The following ST8SIA2 variants were observed in gnomAD, a reference collection of about 807,000 sequenced individuals.
ST8SIA2 encodes ST8 alpha-N-acetyl-neuraminide alpha-2,8-sialyltransferase 2.
ST8SIA2 carries 22 observed loss-of-function variants against 37.6 expected under a neutral mutation model. That is an observed-to-expected ratio of 0.58 (90% CI 0.42 to 0.83). ST8SIA2 has a LOEUF of 0.83. Among genes scored for constraint, ST8SIA2 ranks in the 40% least tolerant of loss-of-function variants. The pLI is 0.00. For missense variants in ST8SIA2, 382 were observed against 484.7 expected (o/e 0.79, Z 1.99); for synonymous variants, 205 against 201.2 (o/e 1.02, Z -0.16).
At chr15:92,395,247 T>A (rs1005020664) in intron 1 of ST8SIA2, among the ~76,000 whole-genome samples, 1 of 152,288 alleles carries the variant, frequency 6.6e-6, no homozygotes, top group African/African-American at 2.4e-5. Flanking sequence ...TTCTGTGGGA[T>A]TTGTGCTCTG....
At position 92,430,112 on chromosome 15, in the gene ST8SIA2, G is replaced by C. The variant is rs200199637; in HGVS notation, c.161+1G>C. On this transcript the variant is annotated splice_donor_variant, in intron 2 of 5. Transcript: ENST00000268164. LOFTEE classifies it high-confidence loss of function. ...ACAGCTTACATAGCAAATCTAATAG[G>C]TTTGTAAATTAGATTTTGTGTTCAT... 4 of 1,613,418 alleles carry C rather than the reference G, an allele frequency of 2.5e-6. No homozygotes were observed. The highest frequency in any genetic ancestry group is 3.4e-6 in the Non-Finnish European group (4 of 1,179,602).
intron 4 of ST8SIA2, among the ~76,000 whole-genome samples, 161 bp from the exon 5 acceptor site, chr15:92,444,475 G>A (rs1487325779): frequency 2.0e-5 from 3 of 152,244 alleles, no homozygotes; most frequent in Admixed American, 1.3e-4. Context: ...GAAAAAGGAG[G>A]AGAAAGGATG....
At chr15:92,408,680 TA>T (rs1014782391) in intron 1 of ST8SIA2, among the ~76,000 whole-genome samples, 51 of 100,570 alleles carry the variant, frequency 5.1e-4, no homozygotes, top group Non-Finnish European at 8.6e-4. Flanking sequence ...CCATTTTTTT[TA>T]TTTATTTATT....
At chr15:92,399,344 C>T (rs1485029852) in intron 1 of ST8SIA2, among the ~76,000 whole-genome samples, 1 of 152,222 alleles carries the variant, frequency 6.6e-6, no homozygotes, top group Non-Finnish European at 1.5e-5. Flanking sequence ...ATCCAGTACA[C>T]CACGGCCAGG....
At chr15:92,405,794 T>C (rs564024355) in intron 1 of ST8SIA2, among the ~76,000 whole-genome samples, 2 of 152,234 alleles carry the variant, frequency 1.3e-5, no homozygotes, top group South Asian at 2.1e-4. Flanking sequence ...GGATTTAGGA[T>C]TGTGGAAAGT....
intron 1 of ST8SIA2, among the ~76,000 whole-genome samples, chr15:92,401,483 G>A (rs544803980): frequency 1.5e-4 from 23 of 152,262 alleles, no homozygotes; most frequent in Non-Finnish European, 3.1e-4. Context: ...CACTGACTTC[G>A]CGACGATGGC....
rs1377617517 is a variant in ST8SIA2 at position 92,427,384 on chromosome 15, A to T, written c.99-2665A>T. ...AGCCTGAAATATAATATTACTCAAA[A>T]TATTTTTGTTGAATGAATAAGAAAA... On this transcript the variant is annotated intron_variant, in intron 1 of 5. Coordinates refer to ENST00000268164, the MANE Select transcript of ST8SIA2 (RefSeq NM_006011.4). 2.6e-5 allele frequency among the ~76,000 whole-genome samples: 4 copies of T among 152,054 alleles called. No homozygotes were observed. The East Asian group carries it at 7.7e-4, about 29-fold the overall frequency.
At chr15:92,434,669 G>A (rs1206109112) in intron 3 of ST8SIA2, among the ~76,000 whole-genome samples, 1 of 152,260 alleles carries the variant, frequency 6.6e-6, no homozygotes, top group East Asian at 1.9e-4. Context: ...AATCTGGGCA[G>A]TGGAGGCCAC....
intron 1 of ST8SIA2, among the ~76,000 whole-genome samples, chr15:92,424,249 G>C (rs2049657894): frequency 6.6e-6 from 1 of 152,154 alleles, no homozygotes; most frequent in South Asian, 2.1e-4. Context: ...CTGTAAACGT[G>C]GGAAATTCTA....
At chr15:92,463,219 C>T (rs1397583306) in intron 5 of ST8SIA2, among the ~76,000 whole-genome samples, 1 of 152,232 alleles carries the variant, frequency 6.6e-6, no homozygotes, top group Non-Finnish European at 1.5e-5. Context: ...GCACCCTGCA[C>T]CCTTCTCTCT....
chr15:92,399,036 T>C (rs1245602950), intron 1 of ST8SIA2, among the ~76,000 whole-genome samples: 1 of 152,158 alleles, frequency 6.6e-6, no homozygotes, highest in Non-Finnish European at 1.5e-5. Flanking sequence ...TTCAGTGCCA[T>C]GCTGGAGGAC....
In ST8SIA2 at chr15:92,403,950, G is replaced by A. The variant is rs1260721375; in HGVS notation, c.98+9788G>A. Among the ~76,000 whole-genome samples, 3 of 152,320 alleles carry A rather than the reference G, an allele frequency of 2.0e-5. No individual in the cohort carries two copies. In the East Asian group the frequency reaches 5.8e-4, roughly 29 times the overall value. On this transcript the variant is annotated intron_variant, in intron 1 of 5. Transcript: ENST00000268164. The stretch of plus-strand genomic sequence containing the variant: ...CCTCTTAGGCCGGCTGGACACAAAG[G>A]CAGCAACGTGCTGACAGACGGCATC...
chr15:92,405,253 C>T (rs1221970359), intron 1 of ST8SIA2, among the ~76,000 whole-genome samples: 5 of 152,130 alleles, frequency 3.3e-5, no homozygotes, highest in African/African-American at 9.7e-5. Context: ...TATGGTTCTA[C>T]GTACATGAGG....
intron 3 of ST8SIA2, among the ~76,000 whole-genome samples, chr15:92,435,839 A>G (rs2049753097): frequency 6.6e-6 from 1 of 152,090 alleles, no homozygotes; most frequent in Non-Finnish European, 1.5e-5. Context: ...CCCCAACTGC[A>G]TTAGCTCCCT....
At chr15:92,442,955 G>A (rs2049813975) in intron 4 of ST8SIA2, among the ~76,000 whole-genome samples, 1 of 152,000 alleles carries the variant, frequency 6.6e-6, no homozygotes, top group Non-Finnish European at 1.5e-5. Context: ...ATTTCCTCCT[G>A]TGTGACAGGA....
chr15:92,401,358 G>A (rs762388380), intron 1 of ST8SIA2, among the ~76,000 whole-genome samples: 7 of 152,336 alleles, frequency 4.6e-5, no homozygotes, highest in Middle Eastern at 3.4e-3. Flanking sequence ...CTCTTGGGTG[G>A]CATCTGGGCT....
chr15:92,459,816 T>C (rs1436505407), intron 5 of ST8SIA2, among the ~76,000 whole-genome samples: 1 of 152,200 alleles, frequency 6.6e-6, no homozygotes, highest in Admixed American at 6.5e-5. Flanking sequence ...CCAGGCCAAC[T>C]CCTGACCTCA....
intron 1 of ST8SIA2, among the ~76,000 whole-genome samples, chr15:92,408,721 A>ATTTG (rs1406134922): frequency 6.7e-6 from 1 of 148,252 alleles, no homozygotes; most frequent in South Asian, 2.2e-4. Flanking sequence ...TTATTTATTT[A>ATTTG]TTGAGATGGA....
intron 1 of ST8SIA2, among the ~76,000 whole-genome samples, chr15:92,420,022 C>T (rs536747765): frequency 2.6e-4 from 39 of 152,230 alleles, no homozygotes; most frequent in African/African-American, 8.9e-4. Flanking sequence ...TGCACCACCA[C>T]GCCCAGCTAA....
Sources: allele counts gnomAD v4.1 joint callset (sites outside exome capture counted in the v4.1 genomes callset), GRCh38; gene constraint gnomAD v4.1.1; transcripts MANE v1.5; gene names NCBI Gene and HGNC (gene_info 2026-07-23, HGNC 2026-07-21).